Variants in BLCAP observed in about 807,000 individuals in gnomAD.
BLCAP encodes the protein BLCAP apoptosis inducing factor.
In BLCAP, 1 loss-of-function variant was observed where a neutral mutation model predicts 5.7. The ratio of observed to expected loss-of-function variants is 0.18; its 90% CI spans 0.06 to 0.83. BLCAP has a LOEUF of 0.83. Among genes scored for constraint, BLCAP ranks in the 40% least tolerant of loss-of-function variants. The pLI, the probability that BLCAP is intolerant of heterozygous loss-of-function variation, is 0.71. For missense variants in BLCAP, 66 were observed against 107.6 expected (o/e 0.61, Z 1.71); for synonymous variants, 48 against 49.4 (o/e 0.97, Z 0.11).
At chr20:37,526,561 C>T (rs565300293) in intron 1 of BLCAP, 3 of 152,100 alleles carry the variant, frequency 2.0e-5, no homozygotes, top group Non-Finnish European at 4.4e-5. Context: ...CTTGGTATAT[C>T]GCACAGGGAC....
chr20:37,519,364 T>G lies in BLCAP; in HGVS notation c.-176-14A>C. On this transcript the variant is annotated splice_polypyrimidine_tract_variant and intron_variant, in intron 1 of 1. Transcript: ENST00000373537. ...GCAGCAGGGATCCTGAAGAGAAAAG[T>G]CAACACAACAGACAAACAGACAAAG... is the stretch of plus-strand genomic sequence containing the variant. 1.9e-5 allele frequency: 3 copies of G among 156,838 alleles called. No homozygotes were observed. Among genetic ancestry groups the G allele is most frequent in the Non-Finnish European group, 2.2e-5 (2 of 91,540 alleles). 9.7% of individuals were successfully genotyped at this position (156,838 alleles called of 1,614,324 possible).
rs1019761705 is a variant in BLCAP at position 37,517,659 on chromosome 20, G to A, written c.*1252C>T. ...GATCTCCAGCAGGCAGGGGCCAGGAGAAAGTCTCGTTTGCCAACACTTGTT... is the reference window on the plus strand; with the variant it reads ...GATCTCCAGCAGGCAGGGGCCAGGAAAAAGTCTCGTTTGCCAACACTTGTT... On this transcript the variant is annotated 3_prime_UTR_variant, in exon 2 of 2. Transcript: ENST00000373537. 1.9e-4 allele frequency: 29 copies of A among 152,576 alleles called. 1 individual carries two copies. The allele number at this position is 152,576 out of a possible 1,614,324, so 9.5% of individuals were successfully genotyped here.
intron 1 of BLCAP, chr20:37,526,543 G>A (rs1002864589): frequency 2.0e-5 from 3 of 152,092 alleles, no homozygotes; most frequent in Admixed American, 2.0e-4. Context: ...GGCAGGCAAC[G>A]CGTGGTTCTT....
At chr20:37,522,091 G>A (rs2147189757) in intron 1 of BLCAP, among the ~76,000 whole-genome samples, 1 of 146,832 alleles carries the variant, frequency 6.8e-6, no homozygotes, top group South Asian at 2.1e-4. Flanking sequence ...GGGCAAAAAC[G>A]CTTTAAAGAA....
At position 37,521,143 on chromosome 20, in the gene BLCAP, G is replaced by T; in HGVS notation, c.-176-1793C>A. 1.5e-6 allele frequency: 1 copy of T among 660,978 alleles called. No homozygotes were observed. Among genetic ancestry groups the T allele is most frequent in the South Asian group, 1.7e-5 (1 of 57,766 alleles). The allele number at this position is 660,978 out of a possible 1,614,324, so 40.9% of individuals were successfully genotyped here. On this transcript the variant is annotated intron_variant, in intron 1 of 1. Transcript: ENST00000373537. This position sits in a 1 kb window ranked among gnomAD's most constrained non-coding sequence, Gnocchi z 4.5. ...TGGATTATTTTTTTCCTCTCCTGGC[G>T]AATGAGGAGCGCCCCCAGCCACCCC...
Position 37,527,833 on chromosome 20 carries a change from T to TGCCGCAGCCTGCCTCC in BLCAP, c.-233_-218dup, listed in dbSNP as rs1568689740. On this transcript the variant is annotated 5_prime_UTR_variant, in exon 1 of 2. Coordinates refer to ENST00000373537, the MANE Select transcript of BLCAP (RefSeq NM_006698.4). ...TGGCGCCGCCGCCACTGTCGCCGTC[T>TGCCGCAGCCTGCCTCC]GCCGCAGCCTGCCTCCACCTCAGCT... is the stretch of plus-strand genomic sequence containing the variant. 6.6e-6 allele frequency: 1 copy of TGCCGCAGCCTGCCTCC among 152,558 alleles called. No individual in the cohort carries two copies. Among genetic ancestry groups the TGCCGCAGCCTGCCTCC allele is most frequent in the Non-Finnish European group, 1.5e-5 (1 of 68,298 alleles). The allele number at this position is 152,558 out of a possible 1,614,324, so 9.5% of individuals were successfully genotyped here. A position where few individuals can be genotyped will look rare whatever the true frequency, so the allele number is the denominator to read the frequency against.
At position 37,519,347 on chromosome 20, in the gene BLCAP, G is replaced by A. The variant is rs1458502223; in HGVS notation, c.-173C>T. 2.1e-6 allele frequency: 1 copy of A among 467,158 alleles called. No individual in the cohort carries two copies. The highest frequency in any genetic ancestry group is 2.2e-5 in the African/African-American group (1 of 46,422). 28.9% of individuals were successfully genotyped at this position (467,158 alleles called of 1,614,324 possible). A position where few individuals can be genotyped will look rare whatever the true frequency, so the allele number is the denominator to read the frequency against. The stretch of plus-strand genomic sequence containing the variant: ...AGCCCGGGATCACCAAGGCAGCAGG[G>A]ATCCTGAAGAGAAAAGTCAACACAA... On this transcript the variant is annotated 5_prime_UTR_variant, in exon 2 of 2. Coordinates refer to ENST00000373537, the MANE Select transcript of BLCAP (RefSeq NM_006698.4).
At position 37,518,986 on chromosome 20, in the gene BLCAP, T is replaced by G; in HGVS notation, c.189A>C (p.Gly63=). 3 of 1,614,030 alleles carry G rather than the reference T, an allele frequency of 1.9e-6. No homozygotes were observed. The highest frequency in any genetic ancestry group is 2.5e-6 in the Non-Finnish European group (3 of 1,179,932). The part of the protein sequence containing the change: ...ALFLICYSCW[G]NCFLYHCSDS... The stretch of plus-strand genomic sequence containing the variant: ...CGGAGCAGTGGTACAGGAAACAGTT[T>G]CCCCAGCAGCTATAGCAGATAAGGA... Residue 63 remains glycine, a synonymous_variant, in exon 2 of 2, where the codon GGA becomes GGC. Coordinates refer to ENST00000373537, the MANE Select transcript of BLCAP (RefSeq NM_006698.4).
chr20:37,522,819 G>A, intron 1 of BLCAP: 1 of 1,462,104 alleles, frequency 6.8e-7, no homozygotes, highest in Non-Finnish European at 9.2e-7. Context: ...ATCTCGGCCA[G>A]CACGGGAGCC....
chr20:37,522,282 C>A, intron 1 of BLCAP: 2 of 1,220,856 alleles, frequency 1.6e-6, no homozygotes, highest in Non-Finnish European at 1.2e-6. Flanking sequence ...AATCATTTAC[C>A]CTAAAAGCTC....
chr20:37,519,314 T>C lies in BLCAP; in HGVS notation c.-140A>G. On this transcript the variant is annotated 5_prime_UTR_variant, in exon 2 of 2. Transcript: ENST00000373537. ...CCAGGAGCTGAGCCGCTGTGCTCTC[T>C]GGCTGTCAGCCCGGGATCACCAAGG... 4 of 995,228 alleles carry C rather than the reference T, an allele frequency of 4.0e-6. No homozygotes were observed. Among genetic ancestry groups the C allele is most frequent in the Non-Finnish European group, 4.3e-6 (3 of 705,306 alleles). The allele number at this position is 995,228 out of a possible 1,614,324, so 61.6% of individuals were successfully genotyped here.
chr20:37,522,977 C>A, intron 1 of BLCAP: 1 of 501,224 alleles, frequency 2.0e-6, no homozygotes, highest in Non-Finnish European at 3.5e-6. Flanking sequence ...GCACCGGTCC[C>A]ACTAAGGGGC....
At chr20:37,522,198 T>A (rs1405567927) in intron 1 of BLCAP, among the ~76,000 whole-genome samples, 15 of 144,782 alleles carry the variant, frequency 1.0e-4, no homozygotes, top group South Asian at 2.2e-4. Context: ...AAAATAATAA[T>A]AAAAAAAATA....
chr20:37,519,036 C>T lies in BLCAP; in HGVS notation c.139G>A (p.Ala47Thr). The change falls in exon 2 of 2, where the codon GCC becomes ACC. Residue 47 changes from alanine (A) to threonine (T), a missense_variant. By Grantham distance (58) the Ala-to-Thr change is moderately conservative (BLOSUM62 0). Coordinates refer to ENST00000373537, the MANE Select transcript of BLCAP (RefSeq NM_006698.4). Reference protein sequence around the residue: ...LLERKPCTICALVFLAALFLI... With the variant: ...LLERKPCTICTLVFLAALFLI... Reference sequence around the variant, plus strand: ...AACAGGGCTGCCAGGAAAACCAAGGCACAAATTGTGCAAGGCTTCCGTTCC... The same window carrying T: ...AACAGGGCTGCCAGGAAAACCAAGGTACAAATTGTGCAAGGCTTCCGTTCC... 6.2e-7 allele frequency: 1 copy of T among 1,614,194 alleles called. No individual in the cohort carries two copies. Among genetic ancestry groups the T allele is most frequent in the South Asian group, 1.1e-5 (1 of 91,084 alleles).
chr20:37,518,656 G>A lies in BLCAP; in HGVS notation c.*255C>T. 1 of 518,858 alleles carries A rather than the reference G, an allele frequency of 1.9e-6. No homozygotes were observed. Among genetic ancestry groups the A allele is most frequent in the East Asian group, 3.5e-5 (1 of 28,454 alleles). 32.1% of individuals were successfully genotyped at this position (518,858 alleles called of 1,614,324 possible). A position where few individuals can be genotyped will look rare whatever the true frequency, so the allele number is the denominator to read the frequency against. On this transcript the variant is annotated 3_prime_UTR_variant, in exon 2 of 2. Transcript: ENST00000373537. ...GTAATGAGGCGAGAGGGGTGGTCAT[G>A]CGGCCAGCCAGGACCTAGATGGGGA... is the stretch of plus-strand genomic sequence containing the variant.
At chr20:37,526,351 AC>A (rs1474504579) in intron 1 of BLCAP, among the ~76,000 whole-genome samples, 45 of 147,276 alleles carry the variant, frequency 3.1e-4, no homozygotes, top group Admixed American at 3.0e-3. Context: ...TAGTCAAACA[AC>A]AATCTCTTTT....
At chr20:37,522,174 GCTTTA>G (rs1275870227) in intron 1 of BLCAP, among the ~76,000 whole-genome samples, 1 of 41,278 alleles carries the variant, frequency 2.4e-5, no homozygotes, top group Admixed American at 3.6e-4. Flanking sequence ...AAGGACAATT[GCTTTA>G]CAAAAAAAAA....
Position 37,521,488 on chromosome 20 carries a change from C to T in BLCAP, c.-176-2138G>A. On this transcript the variant is annotated intron_variant, in intron 1 of 1. Transcript: ENST00000373537. This position sits in a 1 kb window ranked among gnomAD's most constrained non-coding sequence, Gnocchi z 4.5. ...AAGACTGCGTCGCGATTGCCGCTTC[C>T]CGGACCCGTCCTATTCCGATTGCCG... The T allele has an allele frequency of 1.5e-6, 2 of 1,335,508 alleles. No homozygotes were observed. The highest frequency in any genetic ancestry group is 2.2e-6 in the Non-Finnish European group (2 of 928,750). 82.7% of individuals were successfully genotyped at this position (1,335,508 alleles called of 1,614,324 possible). A position where few individuals can be genotyped will look rare whatever the true frequency, so the allele number is the denominator to read the frequency against.
Position 37,525,077 on chromosome 20 carries a change from C to T in BLCAP, c.-177+2716G>A, listed in dbSNP as rs145455363. On this transcript the variant is annotated intron_variant, in intron 1 of 1. Transcript: ENST00000373537. ...CCTGAAGGTGAGGCAGGTCTCCTCT[C>T]GCCCCAGTGTGACTCATCAGCAGGC... Among the ~76,000 whole-genome samples, 501 of 152,294 alleles carry T rather than the reference C, an allele frequency of 3.3e-3. 1 individual carries two copies. Among genetic ancestry groups the T allele is most frequent in the African/African-American group, 0.011 (473 of 41,558 alleles).
Sources: gnomAD v4.1 joint callset for allele counts (sites outside exome capture counted in the v4.1 genomes callset) on GRCh38, gnomAD v4.1.1 for gene constraint, Gnocchi (gnomAD v3.1) non-coding constraint, MANE v1.5 for transcripts, NCBI Gene and HGNC (gene_info 2026-07-23, HGNC 2026-07-21) for gene names.